The following DCHS2 variants were observed in gnomAD, a reference collection of about 807,000 sequenced individuals.
The protein encoded by DCHS2 is dachsous cadherin-related 2, also known as protocadherin-23.
A neutral mutation model predicts 182.4 loss-of-function variants in DCHS2; 142 were observed. The observed-to-expected ratio is 0.78, with a 90% confidence interval of 0.68 to 0.89. The LOEUF is 0.89. Ranked by LOEUF, DCHS2 falls within the 40% of genes least tolerant of loss-of-function variation. DCHS2 has a pLI of 0.00. For synonymous variants in DCHS2, 1,740 were observed against 1,663.3 expected (o/e 1.05, Z -1.12); for missense variants, 4,319 against 4,198.6 (o/e 1.03, Z -0.79).
At chr4:154,333,676 T>A in intron 4 of DCHS2, 182 bp from the exon 5 acceptor site, 1 of 657,654 alleles carries the variant, frequency 1.5e-6, no homozygotes, top group Non-Finnish European at 2.6e-6. Flanking sequence ...TTTTCTGTGC[T>A]CACATACATA....
rs559929120 is a variant in DCHS2, at chr4:154,320,883, G to A, written c.4516C>T (p.His1506Tyr). ...AGCTCATCCTGGAAAGATGGGGAAT[G>A]GTCATTCTGATCTTCCACATCGATA... ...LSIDVEDQND[H>Y]SPSFQDELIV... Residue 1506 changes from histidine (H) to tyrosine (Y), a missense_variant, in exon 9 of 20, where the codon CAT becomes TAT. By Grantham distance (83) the His-to-Tyr change is moderately conservative. Coordinates refer to ENST00000357232, the MANE Select transcript of DCHS2 (RefSeq NM_001358235.2). The A allele has an allele frequency of 2.5e-6, 4 of 1,613,994 alleles. No individual in the cohort carries two copies. In the African/African-American group the frequency reaches 5.3e-5, roughly 22 times the overall value.
At position 154,234,466 on chromosome 4, in the gene DCHS2, G is replaced by T; in HGVS notation, c.*70C>A. The T allele has an allele frequency of 6.9e-7, 1 of 1,443,964 alleles. No homozygotes were observed. Among genetic ancestry groups the T allele is most frequent in the Non-Finnish European group, 9.1e-7 (1 of 1,095,600 alleles). The allele number at this position is 1,443,964 out of a possible 1,614,324, so 89.4% of individuals were successfully genotyped here. On this transcript the variant is annotated 3_prime_UTR_variant, in exon 20 of 20. Transcript: ENST00000357232. ...ATAAAAATGAGCCCAATCTCGAGTTGCTGGCTTGAAAACATTTTGTTCATT... is the reference window on the plus strand; with the variant it reads ...ATAAAAATGAGCCCAATCTCGAGTTTCTGGCTTGAAAACATTTTGTTCATT...
At chr4:154,237,476 G>T in intron 19 of DCHS2, 1 of 204,896 alleles carries the variant, frequency 4.9e-6, no homozygotes, top group Non-Finnish European at 9.6e-6. Flanking sequence ...AAATATTTTT[G>T]TTTGTAAAAT....
At chr4:154,355,328 C>T (rs10032480) in intron 3 of DCHS2, among the ~76,000 whole-genome samples, 2,287 of 41,002 alleles carry the variant, frequency 0.056, 59 homozygotes, top group African/African-American at 0.14. Context: ...CTAAGAGGCA[C>T]TCCCATCAGC....
At chr4:154,480,177 A>C (rs1275867871) in intron 1 of DCHS2, among the ~76,000 whole-genome samples, 1 of 152,230 alleles carries the variant, frequency 6.6e-6, no homozygotes, top group Non-Finnish European at 1.5e-5. Context: ...TGTAGAAATA[A>C]AGATGAACAT....
intron 7 of DCHS2, among the ~76,000 whole-genome samples, chr4:154,325,444 T>C (rs574177022): frequency 1.2e-4 from 18 of 151,858 alleles, no homozygotes; most frequent in African/African-American, 4.1e-4. Context: ...AAAAAAGATA[T>C]AAAGATCTTA....
chr4:154,246,093 G>A (rs920894818), intron 16 of DCHS2, among the ~76,000 whole-genome samples: 11 of 152,132 alleles, frequency 7.2e-5, no homozygotes, highest in African/African-American at 2.4e-4. Context: ...ATAAAGATAC[G>A]TGAGGAGCAG....
At chr4:154,331,506 G>T in intron 5 of DCHS2, 1 of 1,483,754 alleles carries the variant, frequency 6.7e-7, no homozygotes, top group Non-Finnish European at 9.1e-7. Flanking sequence ...GAGTGAATGA[G>T]AGTGGAAAGG....
intron 3 of DCHS2, among the ~76,000 whole-genome samples, chr4:154,347,522 C>T (rs749087711): frequency 2.6e-5 from 4 of 151,534 alleles, no homozygotes; most frequent in Non-Finnish European, 4.4e-5. Flanking sequence ...AAAATTACAT[C>T]GTATATATAA....
rs1163821166 is a variant in DCHS2, at chr4:154,491,096, C to G, written c.260G>C (p.Arg87Pro). 1 of 1,551,208 alleles carries G rather than the reference C, an allele frequency of 6.4e-7. No individual in the cohort carries two copies. Among genetic ancestry groups the G allele is most frequent in the Non-Finnish European group, 8.7e-7 (1 of 1,146,948 alleles). Residue 87 changes from arginine (R) to proline (P), a missense_variant, in exon 1 of 20, where the codon CGC becomes CCC. Transcript: ENST00000357232. Reference protein sequence around the residue: ...LPPDTLVGDIRAGLPAAQQQE... With the variant: ...LPPDTLVGDIPAGLPAAQQQE... ...CTGCTGCGCGGCCGGCAGCCCGGCG[C>G]GGATGTCACCTACCAGCGTGTCCGG...
chr4:154,322,383 G>GC lies in DCHS2; in HGVS notation c.4123dup (p.Ala1375GlyfsTer3), dbSNP rs534517888. ...AAGAGGAGGCACTCCCTGGTCAGTG[G>GC]CAATGACACTCATTCTGTAGGAAGG... is the stretch of plus-strand genomic sequence containing the variant. On this transcript the variant is annotated frameshift_variant, in exon 8 of 20. Transcript: ENST00000357232. LOFTEE classifies it high-confidence loss of function. The GC allele has an allele frequency of 7.0e-5, 113 of 1,613,748 alleles. 1 individual carries two copies. The East Asian group carries it at 2.3e-3, about 32-fold the overall frequency.
chr4:154,374,111 C>T lies in DCHS2; in HGVS notation c.2244+3142G>A, dbSNP rs568310264. On this transcript the variant is annotated intron_variant, in intron 2 of 19. Transcript: ENST00000357232. ...AAATTCCCAATGCACTTCTGGAGCA[C>T]TGTGCTTTCCAGGCTGTGGTGGTGC... 3.9e-5 allele frequency: 24 copies of T among 623,064 alleles called. No homozygotes were observed. In the South Asian group the frequency reaches 4.8e-4, roughly 12 times the overall value. The allele number at this position is 623,064 out of a possible 1,614,324, so 38.6% of individuals were successfully genotyped here.
intron 13 of DCHS2, among the ~76,000 whole-genome samples, chr4:154,275,521 G>T (rs1733814312): frequency 6.6e-6 from 1 of 152,204 alleles, no homozygotes; most frequent in Non-Finnish European, 1.5e-5. Flanking sequence ...TGCATTTTGA[G>T]AGACATATTG....
intron 1 of DCHS2, among the ~76,000 whole-genome samples, chr4:154,434,391 T>C (rs1157950910): frequency 2.0e-5 from 3 of 152,182 alleles, no homozygotes. Context: ...CACAGCACTA[T>C]AGTTTGGGTG....
rs768270731 is a variant in DCHS2 at position 154,333,442 on chromosome 4, C to A, written c.2766G>T (p.Lys922Asn). Residue 922 changes from lysine to asparagine, a missense_variant, in exon 5 of 20, where the codon AAG (lysine) becomes AAT (asparagine). Coordinates refer to ENST00000357232, the MANE Select transcript of DCHS2 (RefSeq NM_001358235.2). Reference protein sequence around the residue: ...YRISSGDLGGKFSIHPRLGTI... With the variant: ...YRISSGDLGGNFSIHPRLGTI... ...TGCCCAGCCGCGGGTGAATGGAGAA[C>A]TTTCCGCCGAGATCACCAGAAGAAA... 1.2e-6 allele frequency: 2 copies of A among 1,613,902 alleles called. No homozygotes were observed. The highest frequency in any genetic ancestry group is 1.1e-5 in the South Asian group (1 of 91,068).
rs1339416202 is a variant in DCHS2, at chr4:154,290,468, C to T, written c.6463+7383G>A. 2.6e-5 allele frequency among the ~76,000 whole-genome samples: 4 copies of T among 151,914 alleles called. 1 individual carries two copies. The Middle Eastern group carries it at 0.01, about 390-fold the overall frequency. ...AAATTTATATGAAATCATAAAAGAC[C>T]CATCATAGTCAAAGCTATCCTGAGC... On this transcript the variant is annotated intron_variant, in intron 13 of 19. Coordinates refer to ENST00000357232, the MANE Select transcript of DCHS2 (RefSeq NM_001358235.2).
Position 154,365,304 on chromosome 4 carries a change from C to T in DCHS2, c.2476+906G>A, listed in dbSNP as rs77265334. The stretch of plus-strand genomic sequence containing the variant: ...TTTGCACTAATCTTAGCTATTAATA[C>T]ATCCAAATGAGGCTCAGTCACCCTC... On this transcript the variant is annotated intron_variant, in intron 3 of 19. Coordinates refer to ENST00000357232, the MANE Select transcript of DCHS2 (RefSeq NM_001358235.2). Among the ~76,000 whole-genome samples the T allele has an allele frequency of 4.0e-3, 611 of 152,246 alleles. 6 individuals are homozygous for T. Among genetic ancestry groups the T allele is most frequent in the African/African-American group, 0.014 (591 of 41,544 alleles).
rs1309179180 is a variant in DCHS2 at position 154,233,864 on chromosome 4, T to C, written c.*672A>G. On this transcript the variant is annotated 3_prime_UTR_variant, in exon 20 of 20. Transcript: ENST00000357232. ...TTGAATCATGAATAATTATTTATAT[T>C]ACCTATCATTATAAATCCTATTTGT... is the stretch of plus-strand genomic sequence containing the variant. 6.6e-6 allele frequency: 1 copy of C among 152,200 alleles called. No individual in the cohort carries two copies. The highest frequency in any genetic ancestry group is 1.5e-5 in the Non-Finnish European group (1 of 68,032). The allele number at this position is 152,200 out of a possible 1,614,324, so 9.4% of individuals were successfully genotyped here.
chr4:154,328,441 A>T (rs187568228), intron 6 of DCHS2, among the ~76,000 whole-genome samples: 3 of 152,308 alleles, frequency 2.0e-5, no homozygotes, highest in Admixed American at 1.3e-4. Flanking sequence ...TCTGACCAAA[A>T]GAAAAAGAAA....
Sources: gnomAD v4.1 joint callset for allele counts (sites outside exome capture counted in the v4.1 genomes callset) on GRCh38, gnomAD v4.1.1 for gene constraint, MANE v1.5 for transcripts, NCBI Gene and HGNC (gene_info 2026-07-23, HGNC 2026-07-21) for gene names.